Variants in ADGRL3 observed in about 807,000 individuals in gnomAD.
ADGRL3 encodes adhesion G protein-coupled receptor L3.
Under a neutral mutation model 153.5 loss-of-function variants are expected in ADGRL3, and 62 were observed. That is an observed-to-expected ratio of 0.40 (90% CI 0.33 to 0.50). The LOEUF is 0.50. Among genes scored for constraint, ADGRL3 ranks in the 20% least tolerant of loss-of-function variants. ADGRL3 has a pLI of 0.47. For missense variants in ADGRL3, 1,641 were observed against 1,859.4 expected (o/e 0.88, Z 2.16); for synonymous variants, 710 against 672.5 (o/e 1.06, Z -0.86).
chr4:61,588,937 A>G (rs1244928245), intron 5 of ADGRL3, among the ~76,000 whole-genome samples: 1 of 152,016 alleles, frequency 6.6e-6, no homozygotes, highest in East Asian at 1.9e-4. Flanking sequence ...TCTCTGATTC[A>G]TTTTTCACTT....
chr4:61,606,483 A>G (rs529090872), intron 5 of ADGRL3, among the ~76,000 whole-genome samples: 1 of 152,204 alleles, frequency 6.6e-6, no homozygotes, highest in African/African-American at 2.4e-5. Context: ...GTAGACAGAC[A>G]GGTCCTCACT....
Position 61,881,471 on chromosome 4 carries a change from C to T in ADGRL3, c.1481-11185C>T, listed in dbSNP as rs185422596. ...TTGGCTCACTGCAACCTCCGCCTCC[C>T]AGGCTCAAGCAATTCTCCTGACTCA... On this transcript the variant is annotated intron_variant, in intron 9 of 26. Transcript: ENST00000683033. 6.1e-3 allele frequency among the ~76,000 whole-genome samples: 927 copies of T among 152,270 alleles called. 3 individuals carry two copies. Among genetic ancestry groups the T allele is most frequent in the African/African-American group, 0.021 (893 of 41,548 alleles).
intron 1 of ADGRL3, among the ~76,000 whole-genome samples, chr4:61,339,437 T>A (rs1201477245): frequency 6.6e-6 from 1 of 152,186 alleles, no homozygotes; most frequent in East Asian, 1.9e-4. Flanking sequence ...ACCGTCATTT[T>A]AGAAACTGAG....
chr4:61,499,299 C>G (rs1227118278), intron 3 of ADGRL3, among the ~76,000 whole-genome samples: 1 of 152,158 alleles, frequency 6.6e-6, no homozygotes, highest in African/African-American at 2.4e-5. Context: ...CCTACTTATT[C>G]AACAATCTCA....
chr4:61,811,801 C>T (rs2097626672), intron 8 of ADGRL3, among the ~76,000 whole-genome samples: 3 of 151,990 alleles, frequency 2.0e-5, no homozygotes, highest in Admixed American at 1.3e-4. Context: ...CATGTATTAA[C>T]AAAGTACATA....
At chr4:61,324,927 A>G (rs1229232660) in intron 1 of ADGRL3, among the ~76,000 whole-genome samples, 1 of 152,204 alleles carries the variant, frequency 6.6e-6, no homozygotes, top group East Asian at 1.9e-4. Flanking sequence ...ATTATATTAA[A>G]TAGAATTTTA....
chr4:61,556,318 A>G (rs1467748884), intron 4 of ADGRL3, among the ~76,000 whole-genome samples: 1 of 152,164 alleles, frequency 6.6e-6, no homozygotes, highest in Non-Finnish European at 1.5e-5. Context: ...ATCTAGGGAA[A>G]GAACACTGGC....
At chr4:61,604,434 A>G (rs1419790541) in intron 5 of ADGRL3, among the ~76,000 whole-genome samples, 1 of 152,234 alleles carries the variant, frequency 6.6e-6, no homozygotes, top group Non-Finnish European at 1.5e-5. Context: ...AAGAAATACC[A>G]TAATATTTTT....
intron 6 of ADGRL3, among the ~76,000 whole-genome samples, chr4:61,688,316 T>C (rs1249580946): frequency 6.6e-6 from 1 of 152,124 alleles, no homozygotes; most frequent in African/African-American, 2.4e-5. Flanking sequence ...TTTGCCTTAC[T>C]GATTTCCCTC....
In ADGRL3 at chr4:61,948,137, G is replaced by A; in HGVS notation, c.2666G>A (p.Trp889Ter). The change falls in exon 17 of 27, where the codon TGG becomes TAG. Residue 889 changes from tryptophan (W) to a stop codon, truncating the protein, a stop_gained. Transcript: ENST00000683033. LOFTEE classifies it high-confidence loss of function. Reference sequence around the variant, plus strand: ...AATTTCAACCCTAACTGTTCATTTTGGAGCTACTCCAAGCGTACAATGACA... The same window carrying A: ...AATTTCAACCCTAACTGTTCATTTTAGAGCTACTCCAAGCGTACAATGACA... ...EENFNPNCSF[W>*]SYSKRTMTGY... 6.2e-7 allele frequency: 1 copy of A among 1,612,928 alleles called. No homozygotes were observed. The highest frequency in any genetic ancestry group is 8.5e-7 in the Non-Finnish European group (1 of 1,179,414).
intron 2 of ADGRL3, among the ~76,000 whole-genome samples, chr4:61,425,160 C>A (rs1356605906): frequency 6.6e-6 from 1 of 152,172 alleles, no homozygotes; most frequent in African/African-American, 2.4e-5. Context: ...CATGTTGACA[C>A]CATCCCATTG....
intron 4 of ADGRL3, among the ~76,000 whole-genome samples, chr4:61,549,079 A>T (rs1352949836): frequency 6.6e-6 from 1 of 151,780 alleles, no homozygotes; most frequent in Non-Finnish European, 1.5e-5. Context: ...ATTTCTAGAT[A>T]TTTTATTCTT....
chr4:61,947,455 G>A (rs1021052585), intron 16 of ADGRL3, among the ~76,000 whole-genome samples: 1 of 152,164 alleles, frequency 6.6e-6, no homozygotes, highest in Non-Finnish European at 1.5e-5. Context: ...TGGGATTCAT[G>A]TGAAATGAAT....
intron 1 of ADGRL3, among the ~76,000 whole-genome samples, chr4:61,234,306 A>G (rs1435480655): frequency 6.6e-6 from 1 of 152,144 alleles, no homozygotes; most frequent in African/African-American, 2.4e-5. Context: ...AAATAAGCAA[A>G]AGTGGAAACA....
intron 1 of ADGRL3, among the ~76,000 whole-genome samples, chr4:61,381,660 T>C (rs2096670423): frequency 6.6e-6 from 1 of 151,876 alleles, no homozygotes; most frequent in African/African-American, 2.4e-5. Flanking sequence ...GGTGATGGTA[T>C]TGTAGGTAAA....
intron 2 of ADGRL3, among the ~76,000 whole-genome samples, chr4:61,491,312 A>G (rs1438569636): frequency 6.6e-6 from 1 of 152,184 alleles, no homozygotes; most frequent in African/African-American, 2.4e-5. Flanking sequence ...TCTTGAATTG[A>G]ATAATAAGCA....
At chr4:61,766,162 A>C (rs113809980) in intron 8 of ADGRL3, among the ~76,000 whole-genome samples, 1,566 of 152,162 alleles carry the variant, frequency 0.01, 56 homozygotes, top group African/African-American at 0.036. Context: ...TATCAGGAAT[A>C]ATGTGGGAGG....
At chr4:61,232,843 G>T (rs1751321109) in intron 1 of ADGRL3, among the ~76,000 whole-genome samples, 1 of 152,076 alleles carries the variant, frequency 6.6e-6, no homozygotes. Flanking sequence ...GCTTTATGAG[G>T]ATATTTGCCA....
intron 17 of ADGRL3, among the ~76,000 whole-genome samples, chr4:61,955,816 T>C (rs754595692): frequency 2.6e-5 from 4 of 152,160 alleles, no homozygotes; most frequent in Non-Finnish European, 4.4e-5. Flanking sequence ...ATTAGTTTGC[T>C]GAGGGTGATG....
Sources: allele counts gnomAD v4.1 joint callset (sites outside exome capture counted in the v4.1 genomes callset), GRCh38; gene constraint gnomAD v4.1.1; transcripts MANE v1.5; gene names NCBI Gene and HGNC (gene_info 2026-07-23, HGNC 2026-07-21).